Variants in FAM83B observed in about 807,000 individuals in gnomAD.
FAM83B encodes the protein protein FAM83B.
A neutral mutation model predicts 38.8 loss-of-function variants in FAM83B; 26 were observed. The observed-to-expected ratio is 0.67, with a 90% CI of 0.49 to 0.93. The LOEUF is 0.93. Ranked by LOEUF, FAM83B falls within the 40% of genes least tolerant of loss-of-function variation. The probability of loss-of-function intolerance (pLI) is 0.00; values close to 1 mark genes in which losing one functional copy is unlikely to be tolerated. For synonymous variants in FAM83B, 419 were observed against 423.1 expected (o/e 0.99, Z 0.12); for missense variants, 1,237 against 1,197.3 (o/e 1.03, Z -0.49).
chr6:54,917,595 G>T (rs1303625898), intron 2 of FAM83B, among the ~76,000 whole-genome samples: 1 of 151,994 alleles, frequency 6.6e-6, no homozygotes, highest in African/African-American at 2.4e-5. Context: ...TACCTTCTTG[G>T]TCAGAATTTT....
chr6:54,915,934 TG>T (rs748648986), intron 2 of FAM83B, among the ~76,000 whole-genome samples: 2 of 152,170 alleles, frequency 1.3e-5, no homozygotes, highest in Non-Finnish European at 2.9e-5. Context: ...AAGTTATGAA[TG>T]GTTCACTGTT....
chr6:54,861,033 A>G (rs1561905221), intron 1 of FAM83B, among the ~76,000 whole-genome samples: 1 of 152,168 alleles, frequency 6.6e-6, no homozygotes, highest in African/African-American at 2.4e-5. Context: ...TGGCCTACCA[A>G]AGTGCTGGGA....
chr6:54,870,050 T>C, intron 1 of FAM83B, 137 bp from the exon 2 acceptor site: 1 of 538,822 alleles, frequency 1.9e-6, no homozygotes, highest in Non-Finnish European at 3.3e-6. Context: ...AATGTCATTT[T>C]GGATATGAAA....
intron 1 of FAM83B, among the ~76,000 whole-genome samples, chr6:54,852,397 C>T (rs1046588886): frequency 5.9e-5 from 9 of 152,090 alleles, no homozygotes; most frequent in Non-Finnish European, 8.8e-5. Flanking sequence ...TGATGTTACT[C>T]TTGTAATTTT....
At chr6:54,885,534 T>C (rs749599294) in intron 2 of FAM83B, among the ~76,000 whole-genome samples, 6 of 152,294 alleles carry the variant, frequency 3.9e-5, no homozygotes, top group Middle Eastern at 6.8e-3. Flanking sequence ...TTTTGGATTT[T>C]CTAGATATAT....
intron 4 of FAM83B, among the ~76,000 whole-genome samples, chr6:54,936,156 T>G (rs1481510216): frequency 1.3e-5 from 2 of 152,152 alleles, no homozygotes; most frequent in East Asian, 3.8e-4. Context: ...GTCTGTAGGT[T>G]TTCAGATTTA....
chr6:54,929,773 A>G (rs1231295207), intron 4 of FAM83B, among the ~76,000 whole-genome samples: 3 of 152,238 alleles, frequency 2.0e-5, no homozygotes, highest in East Asian at 1.9e-4. Context: ...TTTTAAGTCA[A>G]CTTCATGACT....
rs773902585 is a variant in FAM83B at position 54,941,758 on chromosome 6, T to G, written c.2787T>G (p.Thr929=). The change falls in exon 5 of 5, where the codon ACT becomes ACG. Residue 929 remains threonine (T), a synonymous_variant. Coordinates refer to ENST00000306858, the MANE Select transcript of FAM83B (RefSeq NM_001010872.3). ...TSSELLRSHS[T]DRRVYSRFEP... is the part of the protein sequence containing the mutation. The stretch of plus-strand genomic sequence containing the variant: ...GTGAGCTTCTACGATCTCATTCAAC[T>G]GATCGGCGTGTTTACAGTCGTTTTG... 3.1e-6 allele frequency: 5 copies of G among 1,614,164 alleles called. No individual in the cohort carries two copies. Among genetic ancestry groups the G allele is most frequent in the Non-Finnish European group, 4.2e-6 (5 of 1,180,016 alleles).
At chr6:54,924,991 A>G (rs555891025) in intron 2 of FAM83B, among the ~76,000 whole-genome samples, 55 of 152,146 alleles carry the variant, frequency 3.6e-4, no homozygotes, top group Non-Finnish European at 5.7e-4. Flanking sequence ...TCTTATTCAG[A>G]AAAAAAGATA....
chr6:54,923,303 C>T (rs550676651), intron 2 of FAM83B, among the ~76,000 whole-genome samples: 1 of 152,224 alleles, frequency 6.6e-6, no homozygotes, highest in African/African-American at 2.4e-5. Flanking sequence ...CACTGCCTCT[C>T]ACATTCATGA....
At chr6:54,904,275 G>A (rs1772728113) in intron 2 of FAM83B, among the ~76,000 whole-genome samples, 1 of 152,126 alleles carries the variant, frequency 6.6e-6, no homozygotes, top group South Asian at 2.1e-4. Context: ...TATGTAGGCA[G>A]TTATCAAGTC....
upstream of FAM83B, chr6:54,846,704 G>A (rs1561900319): frequency 6.6e-6 from 1 of 152,232 alleles, no homozygotes; most frequent in Non-Finnish European, 1.5e-5. Context: ...CCGCGGACCT[G>A]ACGCTGGGCA....
intron 3 of FAM83B, among the ~76,000 whole-genome samples, chr6:54,926,766 T>C (rs1161366608): frequency 6.6e-6 from 1 of 152,150 alleles, no homozygotes; most frequent in East Asian, 1.9e-4. Context: ...GGAGTCTTGC[T>C]CTCCCTCCCA....
At chr6:54,930,385 T>C (rs1017270756) in intron 4 of FAM83B, among the ~76,000 whole-genome samples, 3 of 152,154 alleles carry the variant, frequency 2.0e-5, no homozygotes, top group Non-Finnish European at 4.4e-5. Flanking sequence ...CCATCTGAAC[T>C]AGCAGGTCCT....
chr6:54,847,355 C>A (rs926928255), intron 1 of FAM83B, among the ~76,000 whole-genome samples: 1 of 152,222 alleles, frequency 6.6e-6, no homozygotes, highest in Non-Finnish European at 1.5e-5. Context: ...GGGAGCAGAA[C>A]TTGAAAAGAC....
intron 2 of FAM83B, among the ~76,000 whole-genome samples, chr6:54,876,283 A>G (rs1297746536): frequency 1.9e-4 from 3 of 16,206 alleles, no homozygotes; most frequent in African/African-American, 5.5e-4. Context: ...GAGTGCATAT[A>G]TATATATATA....
chr6:54,898,132 A>C (rs1244506367), intron 2 of FAM83B, among the ~76,000 whole-genome samples: 1 of 152,146 alleles, frequency 6.6e-6, no homozygotes, highest in Non-Finnish European at 1.5e-5. Context: ...TGCTGGCTTA[A>C]ATAGGCTTTC....
At chr6:54,851,390 T>C (rs1771283816) in intron 1 of FAM83B, among the ~76,000 whole-genome samples, 1 of 152,090 alleles carries the variant, frequency 6.6e-6, no homozygotes, top group South Asian at 2.1e-4. Flanking sequence ...CTTTCTCATC[T>C]CCCATTTCAT....
At chr6:54,928,540 A>G (rs1773355830) in intron 4 of FAM83B, among the ~76,000 whole-genome samples, 1 of 152,262 alleles carries the variant, frequency 6.6e-6, no homozygotes, top group Non-Finnish European at 1.5e-5. Context: ...ACTTTCTGCT[A>G]ACTCTCTCTT....
Sources: allele counts gnomAD v4.1 joint callset (sites outside exome capture counted in the v4.1 genomes callset), GRCh38; gene constraint gnomAD v4.1.1; transcripts MANE v1.5; gene names NCBI Gene and HGNC (gene_info 2026-07-23, HGNC 2026-07-21).